Variants in SIK2 observed in about 807,000 individuals in gnomAD.
The protein encoded by SIK2 is serine/threonine-protein kinase SIK2.
Under a neutral mutation model 103.2 loss-of-function variants are expected in SIK2, and 29 were observed. That is an observed-to-expected ratio of 0.28 (90% CI 0.21 to 0.38). The LOEUF is 0.38. Among genes scored for constraint, SIK2 ranks in the 10% least tolerant of loss-of-function variants. The pLI is 1.00. For missense variants in SIK2, 879 were observed against 1,171.0 expected, an observed-to-expected ratio of 0.75 and a Z score of 3.64; for synonymous variants, 412 against 446.1, an observed-to-expected ratio of 0.92 and a Z score of 0.96.
chr11:111,709,437 G>A (rs954615186), intron 8 of SIK2, among the ~76,000 whole-genome samples: 1 of 152,214 alleles, frequency 6.6e-6, no homozygotes, highest in Non-Finnish European at 1.5e-5. Flanking sequence ...GAATAGCAAC[G>A]ATTTTCCCAT....
chr11:111,649,908 A>C (rs45604137), intron 3 of SIK2, among the ~76,000 whole-genome samples: 16 of 152,298 alleles, frequency 1.1e-4, no homozygotes, highest in Non-Finnish European at 1.6e-4. Flanking sequence ...AGCTCTCATA[A>C]GTATTTGCAT....
At chr11:111,670,211 T>C (rs549828560) in intron 3 of SIK2, among the ~76,000 whole-genome samples, 3 of 152,222 alleles carry the variant, frequency 2.0e-5, no homozygotes, top group African/African-American at 7.2e-5. Context: ...CTGCTGCCAC[T>C]TTTGCGCCTT....
chr11:111,604,452 A>G (rs947764046), intron 1 of SIK2, among the ~76,000 whole-genome samples: 1 of 152,270 alleles, frequency 6.6e-6, no homozygotes, highest in African/African-American at 2.4e-5. Context: ...GCAAGATTTA[A>G]TTAAGTCATC....
At chr11:111,604,372 T>C (rs1941621671) in intron 1 of SIK2, among the ~76,000 whole-genome samples, 1 of 152,244 alleles carries the variant, frequency 6.6e-6, no homozygotes, top group African/African-American at 2.4e-5. Flanking sequence ...CTGTAGTATA[T>C]CGTGTGGTTG....
chr11:111,626,499 ACTTC>A (rs1941962648), intron 3 of SIK2, among the ~76,000 whole-genome samples: 1 of 151,350 alleles, frequency 6.6e-6, no homozygotes. Flanking sequence ...TGCCTATTCT[ACTTC>A]CTAAGTATTT....
At chr11:111,642,995 G>C (rs758365885) in intron 3 of SIK2, among the ~76,000 whole-genome samples, 12 of 151,924 alleles carry the variant, frequency 7.9e-5, no homozygotes, top group Non-Finnish European at 1.5e-5. Flanking sequence ...TTTTTTTATA[G>C]CTCAGTTCAG....
intron 8 of SIK2, among the ~76,000 whole-genome samples, chr11:111,709,959 C>T (rs1046342435): frequency 6.6e-6 from 1 of 152,164 alleles, no homozygotes; most frequent in African/African-American, 2.4e-5. Flanking sequence ...AGCAGTGTGT[C>T]GTAGTTAGGG....
chr11:111,703,139 C>T, intron 6 of SIK2, 64 bp from the exon 7 acceptor site: 1 of 1,479,028 alleles, frequency 6.8e-7, no homozygotes, highest in Non-Finnish European at 9.4e-7. Flanking sequence ...TCACATGAGT[C>T]AAGCAAATAA....
chr11:111,629,812 A>G (rs902342176), intron 3 of SIK2, among the ~76,000 whole-genome samples: 31 of 152,178 alleles, frequency 2.0e-4, no homozygotes, highest in Non-Finnish European at 7.4e-5. Context: ...GAAAAAACTG[A>G]CAACAATAAA....
At chr11:111,652,090 A>G (rs1209571011) in intron 3 of SIK2, among the ~76,000 whole-genome samples, 2 of 152,228 alleles carry the variant, frequency 1.3e-5, no homozygotes, top group African/African-American at 4.8e-5. Flanking sequence ...AAACCTGTCA[A>G]AATTATTGAG....
rs1004609708 is a variant in SIK2, at chr11:111,730,584, T to G, written c.*6455T>G. ...AAGTTAATCTAACTGTAGTTATATT[T>G]TCTGTGTGCTTTTTTTTAATTACTA... On this transcript the variant is annotated 3_prime_UTR_variant, in exon 15 of 15. Coordinates refer to ENST00000304987, the MANE Select transcript of SIK2 (RefSeq NM_015191.3). 5 of 152,214 alleles carry G rather than the reference T, an allele frequency of 3.3e-5. No homozygotes were observed. The highest frequency in any genetic ancestry group is 9.7e-5 in the African/African-American group (4 of 41,436). 9.4% of individuals were successfully genotyped at this position (152,214 alleles called of 1,614,324 possible). A position where few individuals can be genotyped will look rare whatever the true frequency, so the allele number is the denominator to read the frequency against.
rs182128154 is a variant in SIK2, at chr11:111,662,111, G to C, written c.317-25890G>C. 2.0e-5 allele frequency among the ~76,000 whole-genome samples: 3 copies of C among 152,258 alleles called. No homozygotes were observed. The East Asian group carries it at 5.8e-4, about 29-fold the overall frequency. On this transcript the variant is annotated intron_variant, in intron 3 of 14. Transcript: ENST00000304987. ...TCAGAGAGGAGTGTTCTTGAGCAGA[G>C]GAATGACATTATGAAAGCAGTGTTT... is the stretch of plus-strand genomic sequence containing the variant.
chr11:111,640,857 T>C (rs1034234263), intron 3 of SIK2, among the ~76,000 whole-genome samples: 6 of 148,942 alleles, frequency 4.0e-5, no homozygotes, highest in African/African-American at 7.4e-5. Flanking sequence ...GCCTCAGCCT[T>C]CCGAGTAGCT....
chr11:111,623,626 C>T (rs1053348470), intron 3 of SIK2, among the ~76,000 whole-genome samples: 6 of 152,306 alleles, frequency 3.9e-5, no homozygotes, highest in Admixed American at 3.3e-4. Flanking sequence ...CTACTCAATG[C>T]CCCATGAATG....
chr11:111,634,125 C>T (rs1416927071), intron 3 of SIK2, among the ~76,000 whole-genome samples: 1 of 152,134 alleles, frequency 6.6e-6, no homozygotes, highest in Non-Finnish European at 1.5e-5. Context: ...TCTTTATTTA[C>T]AGATTTCTGC....
At chr11:111,694,090 TTAAA>T (rs891148441) in intron 4 of SIK2, among the ~76,000 whole-genome samples, 1 of 152,208 alleles carries the variant, frequency 6.6e-6, no homozygotes, top group African/African-American at 2.4e-5. Context: ...TAACTGTTTG[TTAAA>T]TAAATTGTTA....
At chr11:111,698,688 G>A (rs185074270) in intron 4 of SIK2, among the ~76,000 whole-genome samples, 40 of 152,290 alleles carry the variant, frequency 2.6e-4, no homozygotes, top group Admixed American at 2.4e-3. Flanking sequence ...TCTAGCCTGG[G>A]CAACAGAGCA....
Position 111,620,367 on chromosome 11 carries a change from T to C in SIK2, c.281T>C (p.Leu94Pro). The C allele has an allele frequency of 6.3e-7, 1 of 1,595,548 alleles. No homozygotes were observed. Among genetic ancestry groups the C allele is most frequent in the Non-Finnish European group, 8.5e-7 (1 of 1,172,554 alleles). The change falls in exon 3 of 15, where the codon CTT (leucine) becomes CCT (proline). Residue 94 changes from leucine to proline, a missense_variant. By Grantham distance (98) the Leu-to-Pro change is moderately conservative. This residue lies in a region of SIK2 where 126 missense variants were observed against 245.5 expected (regional missense o/e 0.51). Coordinates refer to ENST00000304987, the MANE Select transcript of SIK2 (RefSeq NM_015191.3). Reference protein sequence around the residue: ...QVMETKSMLYLVTEYAKNGEI... With the variant: ...QVMETKSMLYPVTEYAKNGEI... ...ATGGAGACCAAAAGTATGTTGTACC[T>C]TGTGACAGAATATGCCAAAAATGGA...
At position 111,726,214 on chromosome 11, in the gene SIK2, T is replaced by TG. The variant is rs940624446; in HGVS notation, c.*2090dup. ...TATTAAAATGCCTGCAGATTGAAAA[T>TG]GGGGGCCACTCATTTCAGAACTGCA... On this transcript the variant is annotated 3_prime_UTR_variant, in exon 15 of 15. Transcript: ENST00000304987. The TG allele has an allele frequency of 6.6e-6, 1 of 152,134 alleles. No homozygotes were observed. Among genetic ancestry groups the TG allele is most frequent in the Admixed American group, 6.5e-5 (1 of 15,280 alleles). 9.4% of individuals were successfully genotyped at this position (152,134 alleles called of 1,614,324 possible). A position where few individuals can be genotyped will look rare whatever the true frequency, so the allele number is the denominator to read the frequency against.
Sources: gnomAD v4.1 joint callset for allele counts (sites outside exome capture counted in the v4.1 genomes callset) on GRCh38, gnomAD v4.1.1 for gene constraint, gnomAD v4.1.1 regional missense constraint, MANE v1.5 for transcripts, NCBI Gene and HGNC (gene_info 2026-07-23, HGNC 2026-07-21) for gene names.